MIR2052HG: variants seen among roughly 807,000 people sequenced by gnomAD.
MIR2052HG encodes the protein MIR2052 host gene.
intron 2 of MIR2052HG, among the ~76,000 whole-genome samples, chr8:74,659,109 T>G (rs115047368): frequency 0.011 from 1,688 of 152,344 alleles, 26 homozygotes; most frequent in African/African-American, 0.038. Flanking sequence ...CTGAACTTTT[T>G]TATGTTTCTA....
At chr8:74,656,520 C>A (rs992206850) in intron 2 of MIR2052HG, among the ~76,000 whole-genome samples, 14 of 152,264 alleles carry the variant, frequency 9.2e-5, no homozygotes, top group African/African-American at 3.1e-4. Context: ...TGCTCATTTT[C>A]TTTTGCTGCT....
At chr8:74,621,039 T>C (rs963025955) in intron 2 of MIR2052HG, among the ~76,000 whole-genome samples, 2 of 152,208 alleles carry the variant, frequency 1.3e-5, no homozygotes, top group African/African-American at 4.8e-5. Context: ...AATGCCACCA[T>C]TCTCTTTGCA....
chr8:74,714,754 G>C (rs144793364), intron 4 of MIR2052HG, among the ~76,000 whole-genome samples: 292 of 148,166 alleles, frequency 2.0e-3, no homozygotes, highest in African/African-American at 7.1e-3. Context: ...ACCCAGGCTG[G>C]AGTGCAGTGG....
intron 4 of MIR2052HG, among the ~76,000 whole-genome samples, chr8:74,728,932 T>A (rs1479543758): frequency 6.6e-6 from 1 of 152,174 alleles, no homozygotes; most frequent in Non-Finnish European, 1.5e-5. Flanking sequence ...TGCCTTTGGT[T>A]ATCACAAATA....
chr8:74,654,330 G>A (rs938770048), intron 2 of MIR2052HG, among the ~76,000 whole-genome samples: 5 of 152,108 alleles, frequency 3.3e-5, no homozygotes, highest in Admixed American at 2.0e-4. Context: ...AGGAGGCAGG[G>A]TGTACTGTTT....
In MIR2052HG at chr8:74,682,741, C is replaced by T. The variant is rs150552010; in HGVS notation, n.217-19638C>T. On this transcript the variant is annotated intron_variant and non_coding_transcript_variant, in intron 2 of 6. Transcript: ENST00000523442. ...CATGCTTTTCTGCATGAGCTACAAC[C>T]CTGCAAATCCACTTCTTGATATATA... Among the ~76,000 whole-genome samples, 116 of 152,144 alleles carry T rather than the reference C, an allele frequency of 7.6e-4. 2 individuals carry two copies. In the East Asian group the frequency reaches 0.015, roughly 20 times the overall value.
chr8:74,656,407 A>C (rs903922638), intron 2 of MIR2052HG, among the ~76,000 whole-genome samples: 8 of 152,048 alleles, frequency 5.3e-5, no homozygotes, highest in African/African-American at 1.9e-4. Context: ...ACACAGTATG[A>C]GGTAATTGAA....
At chr8:74,664,989 A>T (rs1003816789) in intron 2 of MIR2052HG, among the ~76,000 whole-genome samples, 2 of 152,298 alleles carry the variant, frequency 1.3e-5, no homozygotes, top group Admixed American at 6.5e-5. Context: ...AATCAAATTC[A>T]CTTTTACCCT....
At chr8:74,606,302 G>C (rs975861220) in intron 1 of MIR2052HG, among the ~76,000 whole-genome samples, 8 of 152,146 alleles carry the variant, frequency 5.3e-5, no homozygotes, top group African/African-American at 1.9e-4. Flanking sequence ...GGGGCTGCCA[G>C]TGAAAGAGCC....
At chr8:74,617,617 A>G (rs1808304200) in intron 2 of MIR2052HG, among the ~76,000 whole-genome samples, 1 of 152,074 alleles carries the variant, frequency 6.6e-6, no homozygotes, top group South Asian at 2.1e-4. Context: ...GTTGATGGAC[A>G]CTTAGGTTGA....
At chr8:74,621,354 C>A (rs971001701) in intron 2 of MIR2052HG, among the ~76,000 whole-genome samples, 11 of 152,162 alleles carry the variant, frequency 7.2e-5, no homozygotes, top group African/African-American at 1.2e-4. Context: ...AGCAGCACTC[C>A]ACTCTCTGTG....
At position 74,733,793 on chromosome 8, in the gene MIR2052HG, A is replaced by G. The variant is rs571332815; in HGVS notation, n.372-18648A>G. 5.7e-3 allele frequency among the ~76,000 whole-genome samples: 843 copies of G among 146,988 alleles called. 9 individuals carry two copies. Among genetic ancestry groups the G allele is most frequent in the African/African-American group, 0.019 (752 of 39,356 alleles). On this transcript the variant is annotated intron_variant and non_coding_transcript_variant, in intron 4 of 6. Coordinates refer to ENST00000523442, the Ensembl canonical transcript of MIR2052HG. ...GCCATTCTAACTGGTGTGAGATGGTATCTCATTGTGGTTTTGATTTGCATT... is the reference window on the plus strand; with the variant it reads ...GCCATTCTAACTGGTGTGAGATGGTGTCTCATTGTGGTTTTGATTTGCATT...
intron 1 of MIR2052HG, chr8:74,603,162 G>A (rs1321042706): frequency 1.4e-6 from 1 of 740,366 alleles, no homozygotes; most frequent in Admixed American, 2.0e-5. Context: ...GGATGATAAA[G>A]TGTGTAGAAA....
chr8:74,706,695 A>G (rs1809414519), intron 4 of MIR2052HG, among the ~76,000 whole-genome samples: 1 of 152,180 alleles, frequency 6.6e-6, no homozygotes, highest in Non-Finnish European at 1.5e-5. Context: ...ATGTGCAGAC[A>G]GCAAAATCCA....
At chr8:74,680,143 AT>A (rs1240266829) in intron 2 of MIR2052HG, among the ~76,000 whole-genome samples, 9 of 152,222 alleles carry the variant, frequency 5.9e-5, no homozygotes, top group African/African-American at 2.2e-4. Flanking sequence ...AGTAAATTAC[AT>A]TTTACCAGAG....
intron 2 of MIR2052HG, among the ~76,000 whole-genome samples, chr8:74,652,224 C>T (rs557870634): frequency 6.6e-6 from 1 of 152,280 alleles, no homozygotes; most frequent in Admixed American, 6.5e-5. Context: ...GATAGTCCTG[C>T]CTGTGGGAGC....
chr8:74,611,853 T>C (rs773797952), intron 1 of MIR2052HG, among the ~76,000 whole-genome samples: 2 of 152,156 alleles, frequency 1.3e-5, no homozygotes, highest in Admixed American at 6.5e-5. Flanking sequence ...GTAGAGGAAA[T>C]TGTGAAGCAG....
At chr8:74,705,552 T>C (rs999372061) in intron 4 of MIR2052HG, 3 of 168,388 alleles carry the variant, frequency 1.8e-5, no homozygotes, top group Non-Finnish European at 2.9e-5. Flanking sequence ...GATCTTTCTA[T>C]AGTTGGCCTG....
chr8:74,704,619 G>A (rs1475583021), intron 4 of MIR2052HG, among the ~76,000 whole-genome samples: 1 of 151,958 alleles, frequency 6.6e-6, no homozygotes, highest in African/African-American at 2.4e-5. Context: ...TTCTCCTCAG[G>A]ATCCCAAAGT....
Sources: allele counts gnomAD v4.1 joint callset (sites outside exome capture counted in the v4.1 genomes callset), GRCh38; gene constraint gnomAD v4.1.1; transcripts MANE v1.5; gene names NCBI Gene and HGNC (gene_info 2026-07-23, HGNC 2026-07-21).